The following SERGEF variants were observed in gnomAD, a reference collection of about 807,000 sequenced individuals.
SERGEF encodes the protein secretion-regulating guanine nucleotide exchange factor.
A neutral mutation model predicts 50.0 loss-of-function variants in SERGEF; 51 were observed. That is an observed-to-expected ratio of 1.02 (90% confidence interval 0.81 to 1.29). SERGEF has a LOEUF of 1.29. SERGEF is among the 50% of genes most tolerant of loss of function. SERGEF has a pLI of 0.00. For missense variants in SERGEF, 521 were observed against 557.0 expected (o/e 0.94, Z 0.65); for synonymous variants, 205 against 212.4 (o/e 0.97, Z 0.30).
intron 5 of SERGEF, among the ~76,000 whole-genome samples, chr11:18,000,284 C>CA (rs1853932626): frequency 1.3e-5 from 2 of 151,786 alleles, no homozygotes; most frequent in East Asian, 1.9e-4. Flanking sequence ...CCTGTCTCTA[C>CA]AAAAAATCTT....
At chr11:17,858,611 T>C (rs1850867952) in intron 10 of SERGEF, among the ~76,000 whole-genome samples, 1 of 152,208 alleles carries the variant, frequency 6.6e-6, no homozygotes. Flanking sequence ...CTCTTTTCAA[T>C]ATAAACAGCC....
intron 8 of SERGEF, among the ~76,000 whole-genome samples, chr11:17,968,061 G>C (rs1475828326): frequency 6.6e-6 from 1 of 152,344 alleles, no homozygotes; most frequent in Non-Finnish European, 1.5e-5. Context: ...TCCAAACATA[G>C]GGTTATTTGA....
intron 10 of SERGEF, among the ~76,000 whole-genome samples, chr11:17,795,687 T>C (rs1849560792): frequency 6.6e-6 from 1 of 152,238 alleles, no homozygotes. Flanking sequence ...TTGCCCAACC[T>C]TGAGTCCATT....
intron 9 of SERGEF, among the ~76,000 whole-genome samples, chr11:17,952,849 C>G (rs901193564): frequency 6.6e-6 from 1 of 152,172 alleles, no homozygotes; most frequent in Admixed American, 6.6e-5. Context: ...TCCGTGACCT[C>G]CCTGTTAGCG....
intron 9 of SERGEF, among the ~76,000 whole-genome samples, chr11:17,904,005 C>T (rs1313074657): frequency 6.6e-6 from 1 of 152,252 alleles, no homozygotes; most frequent in East Asian, 1.9e-4. Context: ...ATCAGTTAGC[C>T]CACAACTGCT....
intron 9 of SERGEF, among the ~76,000 whole-genome samples, chr11:17,896,883 G>T (rs1446337035): frequency 3.2e-4 from 6 of 18,714 alleles, no homozygotes; most frequent in Non-Finnish European, 5.3e-4. Context: ...GAAGGGAAGG[G>T]AAGGGAAGGG....
chr11:17,867,801 C>T (rs1448399491), intron 10 of SERGEF, among the ~76,000 whole-genome samples: 3 of 152,208 alleles, frequency 2.0e-5, no homozygotes, highest in South Asian at 2.1e-4. Flanking sequence ...TTGGTGCACT[C>T]GCAGGCTCGA....
chr11:17,850,752 T>C (rs1372571408), intron 10 of SERGEF, among the ~76,000 whole-genome samples: 1 of 152,214 alleles, frequency 6.6e-6, no homozygotes, highest in African/African-American at 2.4e-5. Context: ...CTATCACATA[T>C]ATGTATGCAT....
chr11:17,811,624 G>A (rs1186033246), intron 10 of SERGEF, among the ~76,000 whole-genome samples: 1 of 152,234 alleles, frequency 6.6e-6, no homozygotes, highest in African/African-American at 2.4e-5. Context: ...AATTCCATCA[G>A]ATATACACTT....
At chr11:17,995,951 C>T (rs1257427541) in intron 5 of SERGEF, 42 bp from the exon 6 acceptor site, 1 of 1,377,132 alleles carries the variant, frequency 7.3e-7, no homozygotes, top group Non-Finnish European at 1.0e-6. Flanking sequence ...AGATGCACAT[C>T]AGGATAAGAC....
intron 9 of SERGEF, among the ~76,000 whole-genome samples, chr11:17,952,700 C>A (rs1275218106): frequency 6.6e-6 from 1 of 152,186 alleles, no homozygotes. Context: ...TACTCACACC[C>A]ACAGCCTCTA....
rs183076561 is a variant in SERGEF, at chr11:17,912,948, C to T, written c.1012-34704G>A. On this transcript the variant is annotated intron_variant, in intron 9 of 10. Coordinates refer to ENST00000265965, the MANE Select transcript of SERGEF (RefSeq NM_012139.4). The stretch of plus-strand genomic sequence containing the variant: ...TTATCTTACTTAATTCATAGGACTG[C>T]TGTGAGATTCCAATGAGATAATGGG... Among the ~76,000 whole-genome samples the T allele has an allele frequency of 3.0e-3, 461 of 152,332 alleles. 1 individual carries two copies. Among genetic ancestry groups the T allele is most frequent in the Non-Finnish European group, 5.2e-3 (355 of 68,036 alleles).
chr11:17,900,511 TA>T (rs1851729388), intron 9 of SERGEF, among the ~76,000 whole-genome samples: 1 of 152,214 alleles, frequency 6.6e-6, no homozygotes, highest in Non-Finnish European at 1.5e-5. Flanking sequence ...TGATATATGC[TA>T]ATGGCTCCAA....
At chr11:17,828,365 G>A (rs1174482725) in intron 10 of SERGEF, among the ~76,000 whole-genome samples, 1 of 152,188 alleles carries the variant, frequency 6.6e-6, no homozygotes, top group African/African-American at 2.4e-5. Flanking sequence ...CCGGCAGCAG[G>A]AGTCTTTCCG....
intron 9 of SERGEF, among the ~76,000 whole-genome samples, chr11:17,880,387 C>T (rs1024500110): frequency 5.9e-5 from 9 of 152,018 alleles, no homozygotes; most frequent in East Asian, 1.9e-4. Context: ...ACTCAGATGT[C>T]GAACAATTGG....
At chr11:17,992,613 AC>A (rs1382516098) in intron 7 of SERGEF, among the ~76,000 whole-genome samples, 5 of 152,352 alleles carry the variant, frequency 3.3e-5, no homozygotes, top group African/African-American at 9.6e-5. Flanking sequence ...AACCACCATT[AC>A]CCTGAGAGGA....
rs34840327 is a variant in SERGEF at position 17,824,300 on chromosome 11, CAA to C, written c.1049-35889_1049-35888del. On this transcript the variant is annotated intron_variant, in intron 10 of 10. Coordinates refer to ENST00000265965, the MANE Select transcript of SERGEF (RefSeq NM_012139.4). Reference sequence around the variant, plus strand: ...TGGGTGACAGAGCGAGACACCGTCTCAAAAAAAAAAAAAAGGCCTCTCTTTGT... The same window carrying C: ...TGGGTGACAGAGCGAGACACCGTCTCAAAAAAAAAAAAGGCCTCTCTTTGT... Among the ~76,000 whole-genome samples the C allele has an allele frequency of 8.0e-3, 1,115 of 139,468 alleles. 7 individuals carry two copies. The highest frequency in any genetic ancestry group is 0.022 in the African/African-American group (832 of 37,718). 91.5% of individuals were successfully genotyped at this position (139,468 alleles called of 152,430 possible).
chr11:18,006,183 G>A (rs114677352), intron 3 of SERGEF, among the ~76,000 whole-genome samples: 219 of 152,306 alleles, frequency 1.4e-3, no homozygotes, highest in African/African-American at 5.0e-3. Flanking sequence ...TTCTGAGATG[G>A]ATTATTGCTC....
intron 10 of SERGEF, among the ~76,000 whole-genome samples, chr11:17,861,454 C>T (rs1296716006): frequency 6.6e-6 from 1 of 152,228 alleles, no homozygotes; most frequent in Non-Finnish European, 1.5e-5. Flanking sequence ...ATGCCCCTTA[C>T]ACTACATTAT....
Sources: gnomAD v4.1 joint callset for allele counts (sites outside exome capture counted in the v4.1 genomes callset) on GRCh38, gnomAD v4.1.1 for gene constraint, MANE v1.5 for transcripts, NCBI Gene and HGNC (gene_info 2026-07-23, HGNC 2026-07-21) for gene names.